GRID2: variants seen among roughly 807,000 people sequenced by gnomAD.
GRID2 encodes the protein glutamate receptor ionotropic, delta-2.
In GRID2, 33 loss-of-function variants were observed where a neutral mutation model predicts 114.8. The observed-to-expected ratio is 0.29, with a 90% confidence interval of 0.22 to 0.38. The LOEUF is 0.38. Among genes scored for constraint, GRID2 ranks in the 10% least tolerant of loss-of-function variants. GRID2 has a pLI of 1.00. For missense variants in GRID2, 1,184 were observed against 1,257.7 expected, an observed-to-expected ratio of 0.94 and a Z score of 0.89; for synonymous variants, 505 against 449.9, an observed-to-expected ratio of 1.12 and a Z score of -1.55.
intron 1 of GRID2, among the ~76,000 whole-genome samples, chr4:92,537,716 A>G (rs1017999090): frequency 1.3e-5 from 2 of 151,330 alleles, no homozygotes; most frequent in Admixed American, 6.6e-5. Flanking sequence ...CAAACAGTCT[A>G]TTGCCCTTTT....
intron 4 of GRID2, among the ~76,000 whole-genome samples, chr4:93,136,596 A>G (rs1289670729): frequency 6.6e-6 from 1 of 152,158 alleles, no homozygotes; most frequent in Non-Finnish European, 1.5e-5. Flanking sequence ...CTTGTTTATT[A>G]TCTTACATAA....
intron 9 of GRID2, among the ~76,000 whole-genome samples, chr4:93,408,648 C>A (rs1766783149): frequency 6.6e-6 from 1 of 151,902 alleles, no homozygotes; most frequent in Admixed American, 6.6e-5. Flanking sequence ...TTTTTATGTG[C>A]CTTATTATTA....
intron 2 of GRID2, among the ~76,000 whole-genome samples, chr4:93,051,396 C>T (rs1726697029): frequency 6.6e-6 from 1 of 152,016 alleles, no homozygotes; most frequent in South Asian, 2.1e-4. Context: ...CCTCTGTCCC[C>T]CTTTGCCAAG....
chr4:92,587,090 A>G (rs1728486137), intron 1 of GRID2, among the ~76,000 whole-genome samples: 1 of 135,508 alleles, frequency 7.4e-6, no homozygotes, highest in Admixed American at 7.7e-5. Context: ...GAGAGTACTG[A>G]TGAAATGCTG....
intron 2 of GRID2, among the ~76,000 whole-genome samples, chr4:92,970,255 G>T (rs1332694513): frequency 6.6e-6 from 1 of 151,872 alleles, no homozygotes; most frequent in Non-Finnish European, 1.5e-5. Flanking sequence ...CATTTCAGCA[G>T]AAAGTGTTTG....
At chr4:92,630,881 A>G (rs1422424757) in intron 2 of GRID2, among the ~76,000 whole-genome samples, 1 of 152,046 alleles carries the variant, frequency 6.6e-6, no homozygotes, top group Non-Finnish European at 1.5e-5. Flanking sequence ...CATGTGTGGG[A>G]TTAATTAATG....
chr4:93,285,920 G>A (rs192620308), intron 8 of GRID2, among the ~76,000 whole-genome samples: 136 of 151,862 alleles, frequency 9.0e-4, no homozygotes, highest in African/African-American at 3.1e-3. Context: ...CAAAATCCTG[G>A]GAAAGTGATT....
chr4:93,216,592 T>C, intron 5 of GRID2, 146 bp from the exon 6 acceptor site: 2 of 532,044 alleles, frequency 3.8e-6, no homozygotes. Context: ...AAAAATATGT[T>C]GCTTTCATTT....
chr4:93,388,413 C>CT (rs1764533751), intron 8 of GRID2, among the ~76,000 whole-genome samples: 1 of 152,050 alleles, frequency 6.6e-6, no homozygotes, highest in African/African-American at 2.4e-5. Flanking sequence ...GTGTCGGGAT[C>CT]TTTTTTTATA....
intron 1 of GRID2, among the ~76,000 whole-genome samples, chr4:92,328,864 TATTA>T (rs1187000033): frequency 6.6e-6 from 1 of 152,120 alleles, no homozygotes; most frequent in Non-Finnish European, 1.5e-5. Flanking sequence ...GTTTTCTCAA[TATTA>T]ATTTCTGTTT....
chr4:93,002,936 C>G (rs1029724854), intron 2 of GRID2, among the ~76,000 whole-genome samples: 1 of 151,742 alleles, frequency 6.6e-6, no homozygotes, highest in Non-Finnish European at 1.5e-5. Context: ...CTTTCACACA[C>G]GACTACATCC....
chr4:92,325,168 C>T (rs977785554), intron 1 of GRID2, among the ~76,000 whole-genome samples: 18 of 151,826 alleles, frequency 1.2e-4, no homozygotes, highest in African/African-American at 4.3e-4. Flanking sequence ...AGTCATGGAG[C>T]TTGTCACATG....
At chr4:92,692,602 T>C (rs1438555687) in intron 2 of GRID2, among the ~76,000 whole-genome samples, 1 of 152,198 alleles carries the variant, frequency 6.6e-6, no homozygotes, top group African/African-American at 2.4e-5. Context: ...TTACTACAGT[T>C]TTAAACCAGT....
chr4:93,036,428 A>G (rs1724939059), intron 2 of GRID2, among the ~76,000 whole-genome samples: 1 of 152,190 alleles, frequency 6.6e-6, no homozygotes, highest in African/African-American at 2.4e-5. Context: ...CTGTATTTCA[A>G]GTAAACAAAC....
intron 10 of GRID2, among the ~76,000 whole-genome samples, chr4:93,448,526 T>C (rs2149401263): frequency 1.3e-5 from 2 of 152,066 alleles, no homozygotes; most frequent in South Asian, 4.1e-4. Context: ...CATATATTGA[T>C]TGGCCTCAAA....
intron 2 of GRID2, among the ~76,000 whole-genome samples, chr4:92,975,156 C>CAAAAAAGAAAAAAAAA (rs1753785478): frequency 2.1e-5 from 1 of 46,692 alleles, no homozygotes; most frequent in Non-Finnish European, 3.7e-5. Flanking sequence ...GATTCCGCCT[C>CAAAAAAGAAAAAAAAA]AAAAAAAAAA....
chr4:92,677,855 T>G (rs555761026), intron 2 of GRID2, among the ~76,000 whole-genome samples: 1 of 152,274 alleles, frequency 6.6e-6, no homozygotes, highest in Admixed American at 6.5e-5. Flanking sequence ...GGTGAAAGGC[T>G]ATTTTCCCTA....
intron 2 of GRID2, among the ~76,000 whole-genome samples, chr4:92,791,362 A>G (rs1578196131): frequency 6.6e-6 from 1 of 151,796 alleles, no homozygotes; most frequent in East Asian, 1.9e-4. Flanking sequence ...CCTTCCTCTT[A>G]GGGCTGATGT....
intron 14 of GRID2, among the ~76,000 whole-genome samples, chr4:93,638,384 T>C (rs1225490143): frequency 2.8e-5 from 1 of 35,090 alleles, no homozygotes; most frequent in Non-Finnish European, 5.6e-5. Flanking sequence ...TGTATACATG[T>C]GCCATGCTGG....
Sources: allele counts gnomAD v4.1 joint callset (sites outside exome capture counted in the v4.1 genomes callset), GRCh38; gene constraint gnomAD v4.1.1; transcripts MANE v1.5; gene names NCBI Gene and HGNC (gene_info 2026-07-23, HGNC 2026-07-21).